Variants in DSCAM observed in about 807,000 individuals in gnomAD.
DSCAM encodes DS cell adhesion molecule, also known as cell adhesion molecule DSCAM.
DSCAM carries 47 observed loss-of-function variants against 217.7 expected under a neutral mutation model. The observed-to-expected ratio is 0.22, with a 90% CI of 0.17 to 0.28. DSCAM has a LOEUF of 0.28. Ranked by LOEUF, DSCAM falls within the 10% of genes least tolerant of loss-of-function variation. DSCAM has a pLI of 1.00. For synonymous variants in DSCAM, 1,056 were observed against 1,015.3 expected (o/e 1.04, Z -0.76); for missense variants, 2,080 against 2,618.3 (o/e 0.79, Z 4.49).
chr21:40,684,222 C>G (rs952603371), intron 3 of DSCAM, among the ~76,000 whole-genome samples: 6 of 148,646 alleles, frequency 4.0e-5, no homozygotes, highest in African/African-American at 1.5e-4. Context: ...GAGACTCCAT[C>G]AAAAAAAAAG....
intron 1 of DSCAM, among the ~76,000 whole-genome samples, chr21:40,736,649 T>C (rs2091066194): frequency 6.6e-6 from 1 of 152,178 alleles, no homozygotes; most frequent in Admixed American, 6.5e-5. Flanking sequence ...AAAAGAGGCT[T>C]CCTTCACACT....
chr21:40,266,547 T>C (rs1292579924), intron 11 of DSCAM, among the ~76,000 whole-genome samples: 1 of 149,774 alleles, frequency 6.7e-6, no homozygotes, highest in African/African-American at 2.5e-5. Flanking sequence ...GACACCTGCA[T>C]GTCTATGTTT....
At chr21:40,072,326 T>A (rs2089302657) in intron 27 of DSCAM, among the ~76,000 whole-genome samples, 2 of 151,856 alleles carry the variant, frequency 1.3e-5, no homozygotes, top group South Asian at 4.2e-4. Context: ...ATCCTTGGCA[T>A]CCTGACCGCC....
At chr21:40,023,121 T>C (rs917821689) in intron 32 of DSCAM, among the ~76,000 whole-genome samples, 32 of 149,918 alleles carry the variant, frequency 2.1e-4, no homozygotes, top group Non-Finnish European at 3.8e-4. Flanking sequence ...GAATATGTGG[T>C]GTTTGGTTTT....
At chr21:40,774,199 C>G (rs994675830) in intron 1 of DSCAM, among the ~76,000 whole-genome samples, 1 of 152,038 alleles carries the variant, frequency 6.6e-6, no homozygotes, top group East Asian at 1.9e-4. Flanking sequence ...TTTTCTCTCT[C>G]TCTGAGATTT....
intron 19 of DSCAM, among the ~76,000 whole-genome samples, chr21:40,126,631 A>G (rs994981278): frequency 2.0e-5 from 3 of 152,238 alleles, no homozygotes; most frequent in African/African-American, 4.8e-5. Context: ...ATACATATTT[A>G]TATGTTTTAA....
rs1435112379 is a variant in DSCAM at position 40,142,586 on chromosome 21, G to A, written c.3378C>T (p.Val1126=). The A allele has an allele frequency of 1.2e-6, 2 of 1,614,134 alleles. No homozygotes were observed. Among genetic ancestry groups the A allele is most frequent in the Admixed American group, 1.7e-5 (1 of 60,028 alleles). ...CGTCCATGAGGTTGGCCCAGTAAAT[G>A]ACTCTGAACCCCTGGAGAATTCCAT... ...ALNGILQGFR[V]IYWANLMDGE... Residue 1126 remains valine (V), a synonymous_variant, in exon 18 of 33, where the codon GTC becomes GTT. Transcript: ENST00000400454.
In DSCAM at chr21:40,171,366, C is replaced by G. The variant is rs561545958; in HGVS notation, c.2948-4078G>C. Among the ~76,000 whole-genome samples the G allele has an allele frequency of 1.1e-3, 162 of 152,288 alleles. 5 individuals carry two copies. In the South Asian group the frequency reaches 0.027, roughly 25 times the overall value. On this transcript the variant is annotated intron_variant, in intron 15 of 32. Coordinates refer to ENST00000400454, the MANE Select transcript of DSCAM (RefSeq NM_001389.5). The stretch of plus-strand genomic sequence containing the variant: ...GTGCTGGGATTACAGGTGTGAGCCA[C>G]CATGCCAGGCCCAGGTCTGGTATTT...
chr21:40,190,384 AAT>A (rs148282236), intron 11 of DSCAM, among the ~76,000 whole-genome samples: 8,624 of 152,242 alleles, frequency 0.057, 777 homozygotes, highest in African/African-American at 0.19. Context: ...AGCCAGAGGT[AAT>A]ATATAATGGC....
intron 3 of DSCAM, among the ~76,000 whole-genome samples, chr21:40,649,889 A>G (rs1016004834): frequency 2.6e-5 from 4 of 152,124 alleles, no homozygotes; most frequent in Non-Finnish European, 5.9e-5. Context: ...AAACTTGGAG[A>G]GAGAGAGAGA....
intron 10 of DSCAM, among the ~76,000 whole-genome samples, chr21:40,286,919 G>A (rs1462718770): frequency 1.3e-5 from 2 of 152,074 alleles, no homozygotes; most frequent in East Asian, 3.9e-4. Flanking sequence ...ATGATCTGCA[G>A]TATGATCCAC....
At chr21:40,420,640 CA>C (rs776413522) in intron 3 of DSCAM, among the ~76,000 whole-genome samples, 92 of 152,270 alleles carry the variant, frequency 6.0e-4, no homozygotes, top group Admixed American at 1.6e-3. Context: ...ACTGTCCTTG[CA>C]GATGAAATTA....
chr21:40,483,699 T>TAG (rs1367038722), intron 3 of DSCAM, among the ~76,000 whole-genome samples: 3 of 152,192 alleles, frequency 2.0e-5, no homozygotes, highest in Admixed American at 2.0e-4. Flanking sequence ...TTAATAAACC[T>TAG]AGATTACTAT....
At position 40,334,740 on chromosome 21, in the gene DSCAM, T is replaced by C. The variant is rs566607347; in HGVS notation, c.1783+3361A>G. On this transcript the variant is annotated intron_variant, in intron 8 of 32. Coordinates refer to ENST00000400454, the MANE Select transcript of DSCAM (RefSeq NM_001389.5). ...CACCACAACCACAACCTCAAACTACTAGACTGGAAGTATTCTCCTGTCTCA... is the reference window on the plus strand; with the variant it reads ...CACCACAACCACAACCTCAAACTACCAGACTGGAAGTATTCTCCTGTCTCA... Among the ~76,000 whole-genome samples, 26 of 152,118 alleles carry C rather than the reference T, an allele frequency of 1.7e-4. No homozygotes were observed. The South Asian group carries it at 2.5e-3, about 15-fold the overall frequency.
intron 32 of DSCAM, among the ~76,000 whole-genome samples, chr21:40,032,210 G>A (rs774991809): frequency 2.6e-5 from 4 of 152,160 alleles, no homozygotes; most frequent in African/African-American, 7.2e-5. Context: ...TGTGGGAACT[G>A]TATCCATCTT....
intron 29 of DSCAM, among the ~76,000 whole-genome samples, chr21:40,053,680 T>C (rs746746910): frequency 1.3e-5 from 2 of 152,284 alleles, no homozygotes; most frequent in South Asian, 2.1e-4. Context: ...CATCGACCCA[T>C]TGTCAGGCAT....
intron 2 of DSCAM, among the ~76,000 whole-genome samples, chr21:40,693,538 A>G (rs1257099525): frequency 6.6e-6 from 1 of 152,200 alleles, no homozygotes; most frequent in Non-Finnish European, 1.5e-5. Flanking sequence ...TGGCTCTGCA[A>G]AGTTATGATG....
At chr21:40,561,723 T>C (rs1484623674) in intron 3 of DSCAM, among the ~76,000 whole-genome samples, 3 of 152,202 alleles carry the variant, frequency 2.0e-5, no homozygotes, top group African/African-American at 4.8e-5. Flanking sequence ...CCCAACGACA[T>C]GCTTTCATGA....
chr21:40,146,378 G>A (rs2090357864), intron 16 of DSCAM, among the ~76,000 whole-genome samples: 1 of 152,140 alleles, frequency 6.6e-6, no homozygotes. Flanking sequence ...GGACAGAGTG[G>A]AGCAAGACCT....
Sources: gnomAD v4.1 joint callset for allele counts (sites outside exome capture counted in the v4.1 genomes callset) on GRCh38, gnomAD v4.1.1 for gene constraint, MANE v1.5 for transcripts, NCBI Gene and HGNC (gene_info 2026-07-23, HGNC 2026-07-21) for gene names.